Variants in EXOC2 observed in about 807,000 individuals in gnomAD.
The protein encoded by EXOC2 is SEC5-like 1.
In EXOC2, 70 loss-of-function variants were observed where a neutral mutation model predicts 131.8. The observed-to-expected ratio is 0.53, with a 90% confidence interval of 0.44 to 0.65. EXOC2 has a LOEUF of 0.65. Among genes scored for constraint, EXOC2 ranks in the 30% least tolerant of loss-of-function variants. The probability of loss-of-function intolerance (pLI) is 0.00; values close to 1 mark genes in which losing one functional copy is unlikely to be tolerated. For synonymous variants in EXOC2, 411 were observed against 398.4 expected (o/e 1.03, Z -0.38); for missense variants, 923 against 1,108.6 (o/e 0.83, Z 2.38).
intron 22 of EXOC2, among the ~76,000 whole-genome samples, chr6:539,433 C>CAG (rs1412890849): frequency 1.3e-5 from 2 of 152,042 alleles, no homozygotes; most frequent in East Asian, 3.9e-4. Context: ...TAAGCCACCG[C>CAG]CCTGCCTTTC....
chr6:530,479 T>C (rs1323963432), intron 23 of EXOC2, among the ~76,000 whole-genome samples: 2 of 151,828 alleles, frequency 1.3e-5, no homozygotes, highest in Non-Finnish European at 2.9e-5. Context: ...GCACAGAGAG[T>C]GGCAAGAGCT....
chr6:561,003 C>T (rs1007752256), intron 17 of EXOC2, among the ~76,000 whole-genome samples: 6 of 151,754 alleles, frequency 4.0e-5, no homozygotes, highest in African/African-American at 7.3e-5. Context: ...CCACAGCACC[C>T]GGCCCAATTA....
intron 4 of EXOC2, among the ~76,000 whole-genome samples, chr6:622,088 C>G (rs1405494372): frequency 6.6e-6 from 1 of 152,212 alleles, no homozygotes; most frequent in African/African-American, 2.4e-5. Context: ...GGCTTTGTCT[C>G]AACTCAGCTA....
intron 12 of EXOC2, 86 bp from the exon 13 acceptor site, chr6:572,730 C>G: frequency 6.7e-7 from 1 of 1,490,062 alleles, no homozygotes. Context: ...CCCCTCCACT[C>G]CCGCAAAACT....
chr6:581,140 C>G (rs562850268), intron 11 of EXOC2, among the ~76,000 whole-genome samples: 3 of 151,596 alleles, frequency 2.0e-5, no homozygotes, highest in African/African-American at 4.8e-5. Flanking sequence ...ACTAAAAATA[C>G]AAAAAAATTA....
chr6:596,431 G>A (rs192738077), intron 10 of EXOC2, among the ~76,000 whole-genome samples: 180 of 150,626 alleles, frequency 1.2e-3, no homozygotes, highest in African/African-American at 4.0e-3. Flanking sequence ...GCAGTGGTAC[G>A]ATCACATCTC....
rs535777039 is a variant in EXOC2 at position 526,960 on chromosome 6, C to G, written c.2380+5509G>C. On this transcript the variant is annotated intron_variant, in intron 23 of 27. Transcript: ENST00000230449. ...TGAGGTGCTGTTATATAGATTAAATCAGGTGATTTATGCAAAGCCCTCTGC... is the reference window on the plus strand; with the variant it reads ...TGAGGTGCTGTTATATAGATTAAATGAGGTGATTTATGCAAAGCCCTCTGC... Among the ~76,000 whole-genome samples, 8 of 152,256 alleles carry G rather than the reference C, an allele frequency of 5.3e-5. No individual in the cohort carries two copies. The South Asian group carries it at 1.5e-3, about 28-fold the overall frequency.
In EXOC2 at chr6:656,940, T is replaced by G. The variant is rs199901808; in HGVS notation, c.-43-19079A>C. 13 of 1,518,218 alleles carry G rather than the reference T, an allele frequency of 8.6e-6. No homozygotes were observed. The East Asian group carries it at 2.9e-4, about 34-fold the overall frequency. 94.0% of individuals were successfully genotyped at this position (1,518,218 alleles called of 1,614,324 possible). A position where few individuals can be genotyped will look rare whatever the true frequency, so the allele number is the denominator to read the frequency against. ...TTTGCCGGTGATCTTGGCGCGAAAC[T>G]TCATGATGCCACAGGGAAGGCAGCT... On this transcript the variant is annotated intron_variant, in intron 1 of 27. Transcript: ENST00000230449.
chr6:589,029 C>T (rs1334166600), intron 11 of EXOC2, among the ~76,000 whole-genome samples: 1 of 152,152 alleles, frequency 6.6e-6, no homozygotes, highest in Non-Finnish European at 1.5e-5. Context: ...CATATGTTGT[C>T]TTCATAAATT....
chr6:623,005 C>T (rs1761370979), intron 4 of EXOC2, among the ~76,000 whole-genome samples: 1 of 152,240 alleles, frequency 6.6e-6, no homozygotes, highest in Non-Finnish European at 1.5e-5. Flanking sequence ...CTCCTACCCC[C>T]AGGAGTCCCT....
chr6:607,414 G>A (rs933446472), intron 7 of EXOC2, among the ~76,000 whole-genome samples: 1 of 152,152 alleles, frequency 6.6e-6, no homozygotes, highest in Non-Finnish European at 1.5e-5. Flanking sequence ...GTTGTTGTGA[G>A]GACTAAATAT....
At chr6:656,470 G>A in intron 1 of EXOC2, 1 of 1,612,018 alleles carries the variant, frequency 6.2e-7, no homozygotes, top group African/African-American at 1.3e-5. Context: ...CAGCGCGGCA[G>A]GCGGATGCTC....
At chr6:524,223 C>T (rs1765628589) in intron 23 of EXOC2, 3 of 152,138 alleles carry the variant, frequency 2.0e-5, no homozygotes, top group African/African-American at 7.2e-5. Context: ...ACTGTAATTA[C>T]GTAGAGGTGT....
intron 23 of EXOC2, among the ~76,000 whole-genome samples, chr6:508,325 G>C (rs1355242852): frequency 6.6e-6 from 1 of 152,122 alleles, no homozygotes; most frequent in Non-Finnish European, 1.5e-5. Flanking sequence ...AAATTCCACA[G>C]TTTACATTAG....
intron 1 of EXOC2, among the ~76,000 whole-genome samples, chr6:690,512 ATCGCGACGGTGAAACCCCG>A (rs1033196186): frequency 1.3e-5 from 2 of 151,992 alleles, no homozygotes; most frequent in Non-Finnish European, 2.9e-5. Flanking sequence ...CGTCACGAGG[ATCGCGACGGTGAAACCCCG>A]TCTCTACTAA....
chr6:609,878 T>G (rs1193805553), intron 7 of EXOC2, among the ~76,000 whole-genome samples: 2 of 152,216 alleles, frequency 1.3e-5, no homozygotes, highest in Non-Finnish European at 2.9e-5. Flanking sequence ...TATATTGGAT[T>G]GTTTTCAAAT....
At chr6:620,773 A>G (rs1761247872) in intron 4 of EXOC2, among the ~76,000 whole-genome samples, 1 of 152,132 alleles carries the variant, frequency 6.6e-6, no homozygotes, top group Non-Finnish European at 1.5e-5. Flanking sequence ...GTCAATAGTT[A>G]ATAGGCTGCT....
chr6:657,004 T>G, intron 1 of EXOC2: 1 of 1,372,970 alleles, frequency 7.3e-7, no homozygotes, highest in South Asian at 1.5e-5. Flanking sequence ...CACAAGCCCT[T>G]CCGGTCCGCT....
At chr6:603,585 A>G (rs1760226745) in intron 7 of EXOC2, among the ~76,000 whole-genome samples, 1 of 152,122 alleles carries the variant, frequency 6.6e-6, no homozygotes, top group Non-Finnish European at 1.5e-5. Flanking sequence ...GGAAATGCTA[A>G]TATTAGGTTA....
Sources: gnomAD v4.1 joint callset for allele counts (sites outside exome capture counted in the v4.1 genomes callset) on GRCh38, gnomAD v4.1.1 for gene constraint, MANE v1.5 for transcripts, NCBI Gene and HGNC (gene_info 2026-07-23, HGNC 2026-07-21) for gene names.